Variants in RSRC1 observed in about 807,000 individuals in gnomAD.
RSRC1 encodes serine/Arginine-related protein 53.
A neutral mutation model predicts 49.1 loss-of-function variants in RSRC1; 39 were observed. That is an observed-to-expected ratio of 0.79 (90% CI 0.61 to 1.04). RSRC1 has a LOEUF of 1.04. Ranked by LOEUF, RSRC1 falls within the 50% of genes least tolerant of loss-of-function variation. The pLI, the probability that RSRC1 is intolerant of heterozygous loss-of-function variation, is 0.00. For synonymous variants in RSRC1, 143 were observed against 130.8 expected, an observed-to-expected ratio of 1.09 and a Z score of -0.63; for missense variants, 388 against 402.4, an observed-to-expected ratio of 0.96 and a Z score of 0.31.
chr3:158,262,435 AT>A (rs955248775), intron 4 of RSRC1, among the ~76,000 whole-genome samples: 3 of 152,204 alleles, frequency 2.0e-5, no homozygotes, highest in Non-Finnish European at 1.5e-5. Flanking sequence ...TTGTTCACAA[AT>A]GTGTGGGTTC....
rs567739279 is a variant in RSRC1 at position 158,125,766 on chromosome 3, A to T, written c.320+1775A>T. Among the ~76,000 whole-genome samples the T allele has an allele frequency of 2.6e-4, 40 of 152,072 alleles. No homozygotes were observed. In the South Asian group the frequency reaches 8.1e-3, roughly 31 times the overall value. On this transcript the variant is annotated intron_variant, in intron 3 of 9. Transcript: ENST00000611884. ...TCTGTAGTGTTGTTCAGGTCCTCTT[A>T]TGTCTTATTTTTCTGTCCATTATTG...
chr3:158,255,784 T>G (rs1312701615), intron 4 of RSRC1, among the ~76,000 whole-genome samples: 2 of 152,208 alleles, frequency 1.3e-5, no homozygotes, highest in Non-Finnish European at 2.9e-5. Flanking sequence ...CCCTTGTAAA[T>G]TGGATTCCTA....
At chr3:158,337,731 T>C (rs1309856770) in intron 5 of RSRC1, among the ~76,000 whole-genome samples, 2 of 152,234 alleles carry the variant, frequency 1.3e-5, no homozygotes, top group African/African-American at 4.8e-5. Flanking sequence ...TATCTCATCC[T>C]GGCTGCACCT....
intron 6 of RSRC1, among the ~76,000 whole-genome samples, chr3:158,362,790 A>G (rs1017410635): frequency 6.6e-6 from 1 of 152,220 alleles, no homozygotes; most frequent in Non-Finnish European, 1.5e-5. Context: ...AAAACGTATT[A>G]TCATCTTATC....
chr3:158,185,173 T>G (rs1719853091), intron 3 of RSRC1, among the ~76,000 whole-genome samples: 1 of 151,978 alleles, frequency 6.6e-6, no homozygotes, highest in Non-Finnish European at 1.5e-5. Flanking sequence ...TAATTTAAAT[T>G]TGTGCATATG....
At chr3:158,425,275 T>C (rs963046295) in intron 6 of RSRC1, among the ~76,000 whole-genome samples, 1 of 152,144 alleles carries the variant, frequency 6.6e-6, no homozygotes, top group African/African-American at 2.4e-5. Context: ...TTGTGGTATA[T>C]TGTGTCTTTG....
intron 4 of RSRC1, among the ~76,000 whole-genome samples, chr3:158,227,639 A>G (rs1253922351): frequency 6.6e-6 from 1 of 152,044 alleles, no homozygotes; most frequent in Admixed American, 6.6e-5. Context: ...GTCTAGAAGA[A>G]TCATATGTTA....
intron 6 of RSRC1, among the ~76,000 whole-genome samples, chr3:158,377,089 T>A (rs999761771): frequency 5.3e-5 from 8 of 152,208 alleles, no homozygotes; most frequent in Non-Finnish European, 1.2e-4. Context: ...GAAGTCATTG[T>A]TGTTAATGTA....
intron 3 of RSRC1, among the ~76,000 whole-genome samples, chr3:158,190,617 T>C (rs185718966): frequency 2.9e-3 from 432 of 150,342 alleles, no homozygotes; most frequent in African/African-American, 0.01. Context: ...TGTCCATTTT[T>C]TTCCTGGAAT....
At chr3:158,309,791 A>G (rs1226690833) in intron 5 of RSRC1, among the ~76,000 whole-genome samples, 1 of 151,730 alleles carries the variant, frequency 6.6e-6, no homozygotes, top group Non-Finnish European at 1.5e-5. Context: ...TTCTCCTACC[A>G]GTTTCTGGAA....
intron 3 of RSRC1, among the ~76,000 whole-genome samples, chr3:158,137,996 G>GT (rs1424646259): frequency 6.6e-6 from 1 of 151,990 alleles, no homozygotes; most frequent in Non-Finnish European, 1.5e-5. Context: ...TTTTTCTCAG[G>GT]TTTTTAACTG....
chr3:158,524,795 A>G (rs191530293), intron 7 of RSRC1, among the ~76,000 whole-genome samples: 1 of 152,174 alleles, frequency 6.6e-6, no homozygotes, highest in East Asian at 1.9e-4. Context: ...TCAATTGGGA[A>G]AGGAAAGTCT....
intron 3 of RSRC1, among the ~76,000 whole-genome samples, chr3:158,168,543 T>G (rs1472143102): frequency 6.6e-6 from 1 of 152,212 alleles, no homozygotes; most frequent in Admixed American, 6.5e-5. Flanking sequence ...TTTTCATTCT[T>G]TTTATTTATA....
chr3:158,430,366 C>T (rs772840073), intron 6 of RSRC1, among the ~76,000 whole-genome samples: 1 of 151,844 alleles, frequency 6.6e-6, no homozygotes, highest in East Asian at 1.9e-4. Context: ...CACTAGCATT[C>T]GACTGGAGCT....
chr3:158,530,514 A>C (rs755648476), intron 7 of RSRC1, among the ~76,000 whole-genome samples: 1 of 151,852 alleles, frequency 6.6e-6, no homozygotes, highest in Admixed American at 6.6e-5. Context: ...ACATAAGCTC[A>C]TGAAGGAAGA....
intron 5 of RSRC1, among the ~76,000 whole-genome samples, chr3:158,345,422 C>G (rs1730498178): frequency 6.6e-6 from 1 of 151,988 alleles, no homozygotes; most frequent in South Asian, 2.1e-4. Flanking sequence ...AAGACATTAG[C>G]AGGTAAAAAT....
At chr3:158,422,982 T>C (rs915072300) in intron 6 of RSRC1, among the ~76,000 whole-genome samples, 4 of 152,236 alleles carry the variant, frequency 2.6e-5, no homozygotes, top group Admixed American at 6.6e-5. Context: ...ATTAGCCCTT[T>C]GTCAGATGAG....
chr3:158,165,743 CTCT>C (rs1718494170), intron 3 of RSRC1, among the ~76,000 whole-genome samples: 3 of 152,338 alleles, frequency 2.0e-5, no homozygotes, highest in East Asian at 1.9e-4. Flanking sequence ...TTATCACTGT[CTCT>C]TCTTATTCCA....
chr3:158,311,032 G>A (rs1285269972), intron 5 of RSRC1, among the ~76,000 whole-genome samples: 3 of 151,840 alleles, frequency 2.0e-5, no homozygotes, highest in African/African-American at 7.2e-5. Context: ...AGTGACAAAA[G>A]TGGCACTTAT....
Sources: gnomAD v4.1 joint callset for allele counts (sites outside exome capture counted in the v4.1 genomes callset) on GRCh38, gnomAD v4.1.1 for gene constraint, MANE v1.5 for transcripts, NCBI Gene and HGNC (gene_info 2026-07-23, HGNC 2026-07-21) for gene names.